ZBTB43: variants seen among roughly 807,000 people sequenced by gnomAD.
ZBTB43 encodes the protein zinc finger and BTB domain-containing protein 43.
A neutral mutation model predicts 31.1 loss-of-function variants in ZBTB43; 6 were observed. That is an observed-to-expected ratio of 0.19 (90% confidence interval 0.11 to 0.38). ZBTB43 has a LOEUF of 0.38. ZBTB43 is among the 10% of genes least tolerant of loss of function. The probability of loss-of-function intolerance (pLI) is 1.00; values close to 1 mark genes in which losing one functional copy is unlikely to be tolerated. For synonymous variants in ZBTB43, 212 were observed against 221.7 expected (o/e 0.96, Z 0.39); for missense variants, 379 against 602.1 (o/e 0.63, Z 3.88).
intron 2 of ZBTB43, among the ~76,000 whole-genome samples, chr9:126,810,052 G>A (rs1265435798): frequency 1.3e-5 from 2 of 152,038 alleles, no homozygotes; most frequent in Non-Finnish European, 2.9e-5. Flanking sequence ...GGCCAGACTG[G>A]TCTTGAACTC....
In ZBTB43 at chr9:126,805,125, C is replaced by T. The variant is rs2032093884; in HGVS notation, c.-154C>T. The T allele has an allele frequency of 6.5e-6, 1 of 152,724 alleles. No individual in the cohort carries two copies. The highest frequency in any genetic ancestry group is 6.5e-5 in the Admixed American group (1 of 15,298). The allele number at this position is 152,724 out of a possible 1,614,324, so 9.5% of individuals were successfully genotyped here. A position where few individuals can be genotyped will look rare whatever the true frequency, so the allele number is the denominator to read the frequency against. On this transcript the variant is annotated 5_prime_UTR_variant, in exon 1 of 3. Transcript: ENST00000373464. ...GGGCGGGGGATGTGAGCGCTGAGCC[C>T]TTGGCAGGTACTGCGTGGCCAGGAC...
chr9:126,826,959 C>G (rs886079066), intron 2 of ZBTB43, among the ~76,000 whole-genome samples: 1 of 152,060 alleles, frequency 6.6e-6, no homozygotes, highest in East Asian at 1.9e-4. Context: ...CTGTATATTC[C>G]TTTTTCTTTG....
rs1300483453 is a variant in ZBTB43, at chr9:126,833,758, G to A, written c.1249G>A (p.Gly417Ser). 2.5e-6 allele frequency: 4 copies of A among 1,610,952 alleles called. No individual in the cohort carries two copies. The highest frequency in any genetic ancestry group is 3.4e-6 in the Non-Finnish European group (4 of 1,177,472). Residue 417 changes from glycine (G) to serine (S), a missense_variant, in exon 3 of 3, where the codon GGC becomes AGC. Coordinates refer to ENST00000373464, the MANE Select transcript of ZBTB43 (RefSeq NM_014007.4). This position sits in a 1 kb window ranked among gnomAD's most constrained non-coding sequence, Gnocchi z 7.9. ...ATTCAAAATGAAGCACCATCTCGTGGGCCACATGAAAATTCACACAGGCAT... is the reference window on the plus strand; with the variant it reads ...ATTCAAAATGAAGCACCATCTCGTGAGCCACATGAAAATTCACACAGGCAT... ...KKFKMKHHLVGHMKIHTGIKP... is the reference protein window; with the variant it reads ...KKFKMKHHLVSHMKIHTGIKP...
At chr9:126,824,825 G>A (rs770805023) in intron 2 of ZBTB43, among the ~76,000 whole-genome samples, 3 of 152,148 alleles carry the variant, frequency 2.0e-5, no homozygotes, top group Non-Finnish European at 4.4e-5. Context: ...AGAAGTGTTT[G>A]ACCATTATAT....
At chr9:126,807,916 T>C (rs1006796971) in intron 1 of ZBTB43, among the ~76,000 whole-genome samples, 2 of 152,192 alleles carry the variant, frequency 1.3e-5, no homozygotes, top group African/African-American at 4.8e-5. Flanking sequence ...GATTAACAAG[T>C]GTGAGCCACT....
chr9:126,828,304 C>G (rs2032688410), intron 2 of ZBTB43, among the ~76,000 whole-genome samples: 3 of 151,822 alleles, frequency 2.0e-5, no homozygotes, highest in Admixed American at 1.3e-4. Context: ...CTGCCTCAGC[C>G]TCCCAAGTAA....
chr9:126,808,032 T>A (rs1381233939), intron 1 of ZBTB43, among the ~76,000 whole-genome samples: 1 of 152,220 alleles, frequency 6.6e-6, no homozygotes. Flanking sequence ...TTTTTAAAAT[T>A]TGTCGATATG....
chr9:126,833,302 G>A lies in ZBTB43; in HGVS notation c.793G>A (p.Asp265Asn), dbSNP rs199994042. 1.2e-4 allele frequency: 192 copies of A among 1,613,038 alleles called. No homozygotes were observed. Among genetic ancestry groups the A allele is most frequent in the Middle Eastern group, 4.9e-4 (3 of 6,084 alleles). ...GGGCATGGATGTGCACGCGACCTAC[G>A]ACGAGCACCAGGTCACAGAGTCCAT... is the stretch of plus-strand genomic sequence containing the variant. ...CEGMDVHATY[D>N]EHQVTESINT... The change falls in exon 3 of 3, where the codon GAC becomes AAC. Residue 265 changes from aspartate (D) to asparagine (N), a missense_variant. This residue lies in a region of ZBTB43 where 253 missense variants were observed against 322.3 expected (regional missense o/e 0.79). Transcript: ENST00000373464. This position sits in a 1 kb window ranked among gnomAD's most constrained non-coding sequence, Gnocchi z 7.9.
At chr9:126,811,232 AAAG>A (rs949308732) in intron 2 of ZBTB43, among the ~76,000 whole-genome samples, 3 of 148,904 alleles carry the variant, frequency 2.0e-5, no homozygotes, top group South Asian at 2.1e-4. Flanking sequence ...AAAAAAAAAA[AAAG>A]AAGAAAAAAT....
chr9:126,815,357 A>AATAT (rs199590783), intron 2 of ZBTB43, among the ~76,000 whole-genome samples: 6 of 142,674 alleles, frequency 4.2e-5, no homozygotes, highest in African/African-American at 1.5e-4. Context: ...AATATATAAA[A>AATAT]ATATATATAT....
intron 1 of ZBTB43, among the ~76,000 whole-genome samples, chr9:126,805,927 C>T (rs1426106491): frequency 1.3e-5 from 2 of 152,214 alleles, no homozygotes; most frequent in Non-Finnish European, 2.9e-5. Flanking sequence ...GTGAAGTTCC[C>T]TGCACTGGTG....
At position 126,828,642 on chromosome 9, in the gene ZBTB43, A is replaced by ATTATT. The variant is rs1554742714; in HGVS notation, c.-23-3845_-23-3844insTTATT. 4.3e-3 allele frequency among the ~76,000 whole-genome samples: 547 copies of ATTATT among 126,560 alleles called. 3 individuals are homozygous for ATTATT. The highest frequency in any genetic ancestry group is 0.02 in the African/African-American group (491 of 24,402). The allele number at this position is 126,560 out of a possible 152,430, so 83.0% of individuals were successfully genotyped here. A position where few individuals can be genotyped will look rare whatever the true frequency, so the allele number is the denominator to read the frequency against. ...ACCCCCATCTCTAAATAATAATAAT[A>ATTATT]ATAATAATAATAATTATTATTATTA... On this transcript the variant is annotated intron_variant, in intron 2 of 2. Coordinates refer to ENST00000373464, the MANE Select transcript of ZBTB43 (RefSeq NM_014007.4).
At chr9:126,811,501 A>G (rs1368291900) in intron 2 of ZBTB43, among the ~76,000 whole-genome samples, 1 of 152,216 alleles carries the variant, frequency 6.6e-6, no homozygotes, top group Non-Finnish European at 1.5e-5. Context: ...ATATATTTGT[A>G]TATGTATGTC....
chr9:126,824,732 AGTTTGACTATAATGT>A (rs2032594931), intron 2 of ZBTB43, among the ~76,000 whole-genome samples: 1 of 152,160 alleles, frequency 6.6e-6, no homozygotes, highest in Non-Finnish European at 1.5e-5. Context: ...CTCTTTCTAC[AGTTTGACTATAATGT>A]GTCTTTATCC....
chr9:126,817,388 G>A (rs1023956797), intron 2 of ZBTB43, among the ~76,000 whole-genome samples: 1 of 151,934 alleles, frequency 6.6e-6, no homozygotes, highest in African/African-American at 2.4e-5. Flanking sequence ...TGGGATTACA[G>A]GCATGAGCCA....
intron 2 of ZBTB43, among the ~76,000 whole-genome samples, chr9:126,827,321 G>A (rs1012386214): frequency 7.9e-5 from 12 of 152,198 alleles, no homozygotes; most frequent in South Asian, 2.1e-4. Context: ...AAAGCTGAGC[G>A]GGTTTGCCAG....
chr9:126,814,326 A>G (rs2032322234), intron 2 of ZBTB43, among the ~76,000 whole-genome samples: 2 of 149,530 alleles, frequency 1.3e-5, no homozygotes, highest in Non-Finnish European at 3.0e-5. Flanking sequence ...CATCTGTAAA[A>G]TGTAAATTTT....
At chr9:126,825,383 A>G (rs1376094613) in intron 2 of ZBTB43, among the ~76,000 whole-genome samples, 6 of 151,964 alleles carry the variant, frequency 3.9e-5, no homozygotes, top group Admixed American at 3.9e-4. Context: ...TTCAGCTTGT[A>G]TTAGTTTGGC....
chr9:126,816,835 A>G (rs906990865), intron 2 of ZBTB43, among the ~76,000 whole-genome samples: 5 of 152,200 alleles, frequency 3.3e-5, no homozygotes, highest in African/African-American at 9.6e-5. Flanking sequence ...AATGATGGCT[A>G]TGCCTTTACC....
Sources: gnomAD v4.1 joint callset for allele counts (sites outside exome capture counted in the v4.1 genomes callset) on GRCh38, gnomAD v4.1.1 for gene constraint, gnomAD v4.1.1 regional missense constraint, Gnocchi (gnomAD v3.1) non-coding constraint, MANE v1.5 for transcripts, NCBI Gene and HGNC (gene_info 2026-07-23, HGNC 2026-07-21) for gene names.